ELAVL4: variants seen among roughly 807,000 people sequenced by gnomAD.
ELAVL4 encodes the protein ELAV like RNA binding protein 4, also known as ELAV-like protein 4.
Under a neutral mutation model 35.6 loss-of-function variants are expected in ELAVL4, and 1 was observed. The observed-to-expected ratio is 0.03, with a 90% CI of 0.01 to 0.13. The LOEUF (loss-of-function observed/expected upper bound fraction) is 0.13. ELAVL4 is among the 10% of genes least tolerant of loss of function. The probability of loss-of-function intolerance (pLI) is 1.00; values close to 1 mark genes in which losing one functional copy is unlikely to be tolerated. For synonymous variants in ELAVL4, 156 were observed against 171.0 expected (o/e 0.91, Z 0.69); for missense variants, 267 against 464.9 (o/e 0.57, Z 3.91).
upstream of ELAVL4, among the ~76,000 whole-genome samples, chr1:50,107,919 T>C (rs1332577836): frequency 6.6e-6 from 1 of 152,160 alleles, no homozygotes; most frequent in African/African-American, 2.4e-5. Context: ...TAAATGTCTC[T>C]TTGCAAATCT....
intron 3 of ELAVL4, among the ~76,000 whole-genome samples, chr1:50,181,753 G>C (rs1681071296): frequency 6.6e-6 from 1 of 152,084 alleles, no homozygotes; most frequent in South Asian, 2.1e-4. Flanking sequence ...GTGCGATCTG[G>C]GCTCACAGCA....
intron 1 of ELAVL4, among the ~76,000 whole-genome samples, chr1:50,061,582 A>G (rs1179995413): frequency 6.6e-6 from 1 of 152,176 alleles, no homozygotes; most frequent in Non-Finnish European, 1.5e-5. Context: ...TGTGGCCCTC[A>G]TGGAGGTGCA....
At chr1:50,110,672 G>A (rs1200744231) in intron 1 of ELAVL4, among the ~76,000 whole-genome samples, 1 of 152,122 alleles carries the variant, frequency 6.6e-6, no homozygotes, top group Non-Finnish European at 1.5e-5. Flanking sequence ...GGGTATGGGG[G>A]CAGGCTGTAA....
rs533414552 is a variant in ELAVL4, at chr1:50,159,149, C to T, written c.250+13952C>T. ...TCAGGTTTGGGGACCAGATCCCCCA[C>T]CTTAAGTAAAAATCTTGAGACAGTA... On this transcript the variant is annotated intron_variant, in intron 2 of 6. Transcript: ENST00000371824. Among the ~76,000 whole-genome samples, 86 of 152,236 alleles carry T rather than the reference C, an allele frequency of 5.6e-4. 1 individual carries two copies. The highest frequency in any genetic ancestry group is 1.9e-3 in the African/African-American group (79 of 41,530).
intron 3 of ELAVL4, among the ~76,000 whole-genome samples, chr1:50,185,547 G>T (rs1380668818): frequency 1.3e-5 from 2 of 152,202 alleles, no homozygotes; most frequent in Non-Finnish European, 2.9e-5. Flanking sequence ...TAGTTCAGCT[G>T]TGTGACCTTG....
intron 2 of ELAVL4, among the ~76,000 whole-genome samples, chr1:50,172,778 T>A (rs1207548070): frequency 2.0e-5 from 3 of 152,198 alleles, no homozygotes; most frequent in Non-Finnish European, 2.9e-5. Context: ...ATGATAATTA[T>A]CTCTCAAACA....
intron 2 of ELAVL4, among the ~76,000 whole-genome samples, chr1:50,156,185 A>G (rs1281155662): frequency 6.6e-6 from 1 of 152,236 alleles, no homozygotes; most frequent in Non-Finnish European, 1.5e-5. Context: ...CTTCACTGAA[A>G]GTCCTGCCTT....
intron 1 of ELAVL4, among the ~76,000 whole-genome samples, chr1:50,089,341 T>C (rs1322009841): frequency 6.6e-6 from 1 of 152,242 alleles, no homozygotes; most frequent in East Asian, 1.9e-4. Context: ...TTTAAAGGTT[T>C]TCCTTTTTAG....
chr1:50,140,454 A>G (rs1672631037), intron 1 of ELAVL4, among the ~76,000 whole-genome samples: 1 of 152,224 alleles, frequency 6.6e-6, no homozygotes, highest in Admixed American at 6.5e-5. Context: ...GAGGTCTATC[A>G]TGTAACCTTA....
chr1:50,200,878 G>C lies in ELAVL4; in HGVS notation c.801G>C (p.Met267Ile). Reference sequence around the variant, plus strand: ...TCTCCCCAATTACCATTGATGGAATGACAAGCCTTGTGGGAATGAACATCC... The same window carrying C: ...TCTCCCCAATTACCATTGATGGAATCACAAGCCTTGTGGGAATGAACATCC... ...KRFSPITIDG[M>I]TSLVGMNIPG... The change falls in exon 7 of 7, where the codon ATG becomes ATC. Residue 267 changes from methionine to isoleucine, a missense_variant. Transcript: ENST00000371824. The C allele has an allele frequency of 6.2e-7, 1 of 1,613,928 alleles. No homozygotes were observed. The highest frequency in any genetic ancestry group is 8.5e-7 in the Non-Finnish European group (1 of 1,179,976).
At chr1:50,126,084 G>C (rs769626572) in intron 1 of ELAVL4, among the ~76,000 whole-genome samples, 21 of 152,206 alleles carry the variant, frequency 1.4e-4, no homozygotes, top group Admixed American at 9.8e-4. Context: ...AGTCCCCCTA[G>C]GGTGTGCATT....
At chr1:50,106,377 G>T, upstream of ELAVL4, 1 of 1,613,274 alleles carries the variant, frequency 6.2e-7, no homozygotes, top group Non-Finnish European at 8.5e-7. Flanking sequence ...AATGAGTCAA[G>T]AAACTGCTCA....
intron 2 of ELAVL4, among the ~76,000 whole-genome samples, chr1:50,168,055 C>CCGCTG (rs1678269699): frequency 6.6e-6 from 1 of 152,208 alleles, no homozygotes; most frequent in South Asian, 2.1e-4. Context: ...TTACCCTTCA[C>CCGCTG]CGCTGTCCTT....
At chr1:50,130,794 T>G (rs1252564538) in intron 1 of ELAVL4, among the ~76,000 whole-genome samples, 1 of 152,164 alleles carries the variant, frequency 6.6e-6, no homozygotes, top group East Asian at 1.9e-4. Flanking sequence ...GAAACTTAGC[T>G]TGGCTTTTGT....
intron 3 of ELAVL4, chr1:50,180,913 A>C (rs1308257914): frequency 6.6e-6 from 1 of 152,222 alleles, no homozygotes; most frequent in African/African-American, 2.4e-5. Context: ...CTCTGTATCC[A>C]ATACTATTAT....
chr1:50,177,017 GCTCT>G (rs370190437), intron 2 of ELAVL4, 68 bp from the exon 3 acceptor site: 83 of 1,183,548 alleles, frequency 7.0e-5, no homozygotes, highest in South Asian at 1.1e-4. Flanking sequence ...TACTGAGCAT[GCTCT>G]CTCTCTCTCT....
chr1:50,119,867 G>T (rs1019466699), intron 1 of ELAVL4, among the ~76,000 whole-genome samples: 3 of 151,680 alleles, frequency 2.0e-5, no homozygotes, highest in African/African-American at 7.3e-5. Flanking sequence ...ATGTAATTAG[G>T]GCAGGTACTG....
chr1:50,173,287 G>A (rs554022216), intron 2 of ELAVL4, among the ~76,000 whole-genome samples: 1 of 152,190 alleles, frequency 6.6e-6, no homozygotes, highest in South Asian at 2.1e-4. Context: ...ATTTGTGTGT[G>A]TGCCTATGTG....
chr1:50,136,698 A>C (rs1671943244), intron 1 of ELAVL4, among the ~76,000 whole-genome samples: 1 of 152,124 alleles, frequency 6.6e-6, no homozygotes, highest in African/African-American at 2.4e-5. Context: ...GGGAATACTG[A>C]CTTTTAAAGG....
Sources: allele counts gnomAD v4.1 joint callset (sites outside exome capture counted in the v4.1 genomes callset), GRCh38; gene constraint gnomAD v4.1.1; transcripts MANE v1.5; gene names NCBI Gene and HGNC (gene_info 2026-07-23, HGNC 2026-07-21).